Variants in ATG7 observed in about 807,000 individuals in gnomAD.
The protein encoded by ATG7 is autophagy related 7.
Under a neutral mutation model 82.4 loss-of-function variants are expected in ATG7, and 70 were observed. The observed-to-expected ratio is 0.85, with a 90% CI of 0.70 to 1.04. The LOEUF (loss-of-function observed/expected upper bound fraction) is 1.04. Ranked by LOEUF, ATG7 falls within the 50% of genes least tolerant of loss-of-function variation. The probability of loss-of-function intolerance (pLI) is 0.00; values close to 1 mark genes in which losing one functional copy is unlikely to be tolerated. For synonymous variants in ATG7, 287 were observed against 313.0 expected, an observed-to-expected ratio of 0.92 and a Z score of 0.88; for missense variants, 792 against 864.3, an observed-to-expected ratio of 0.92 and a Z score of 1.05.
chr3:11,424,805 C>T (rs1020833294), intron 19 of ATG7, among the ~76,000 whole-genome samples: 1 of 152,084 alleles, frequency 6.6e-6, no homozygotes, highest in African/African-American at 2.4e-5. Context: ...CAAGTATGTA[C>T]ATCCATGCAT....
the ATG7 span, among the ~76,000 whole-genome samples, chr3:11,567,171 T>C: frequency 8.5e-5 from 13 of 152,112 alleles, no homozygotes; most frequent in Non-Finnish European, 1.8e-4. Context: ...CCCGAGGCGT[T>C]CCGAGCCTCG....
downstream of ATG7, chr3:11,559,402 G>C: frequency 1.9e-6 from 3 of 1,562,690 alleles, no homozygotes; most frequent in Non-Finnish European, 2.6e-6. Context: ...GGCAGTGCGA[G>C]AGGTTGCAGT....
chr3:11,339,534 G>A (rs1953169063), intron 11 of ATG7, among the ~76,000 whole-genome samples: 2 of 152,098 alleles, frequency 1.3e-5, no homozygotes, highest in African/African-American at 4.8e-5. Context: ...GAAAGGGGGA[G>A]TAGCAGAGGT....
intron 3 of ATG7, among the ~76,000 whole-genome samples, chr3:11,284,279 G>A (rs981786975): frequency 3.3e-5 from 5 of 152,100 alleles, no homozygotes; most frequent in Admixed American, 1.3e-4. Flanking sequence ...GAGGGAGAAT[G>A]GTTGGGCGGT....
intron 20 of ATG7, among the ~76,000 whole-genome samples, chr3:11,548,059 G>T (rs904220090): frequency 1.3e-5 from 2 of 152,116 alleles, no homozygotes; most frequent in East Asian, 3.9e-4. Context: ...TTCCAGGCTG[G>T]TCTTGAACTC....
intron 7 of ATG7, among the ~76,000 whole-genome samples, chr3:11,311,831 G>C (rs1948723005): frequency 6.6e-6 from 1 of 151,592 alleles, no homozygotes; most frequent in Non-Finnish European, 1.5e-5. Context: ...TTTCTTAGTT[G>C]ATCAATGAAT....
At chr3:11,571,640 C>G in the ATG7 span, among the ~76,000 whole-genome samples, 1 of 152,220 alleles carries the variant, frequency 6.6e-6, no homozygotes, top group Non-Finnish European at 1.5e-5. Flanking sequence ...GCACTCCAGC[C>G]TGGGCAACAG....
At chr3:11,329,836 G>A (rs920474496) in intron 9 of ATG7, among the ~76,000 whole-genome samples, 5 of 152,142 alleles carry the variant, frequency 3.3e-5, no homozygotes, top group East Asian at 3.9e-4. Context: ...AGACATTTCC[G>A]ATTTCACCAG....
chr3:11,477,147 T>C (rs1168632800), intron 20 of ATG7: 1 of 1,289,850 alleles, frequency 7.8e-7, no homozygotes, highest in Admixed American at 2.3e-5. Context: ...CTTTGAGATC[T>C]TCGGCTCTGG....
intron 20 of ATG7, among the ~76,000 whole-genome samples, chr3:11,497,759 A>G (rs1575054262): frequency 6.6e-6 from 1 of 151,978 alleles, no homozygotes; most frequent in African/African-American, 2.4e-5. Context: ...TTAGTTTCCC[A>G]TGTCTCTGCC....
At chr3:11,472,992 T>G (rs1333674300) in intron 20 of ATG7, among the ~76,000 whole-genome samples, 1 of 152,188 alleles carries the variant, frequency 6.6e-6, no homozygotes, top group Admixed American at 6.5e-5. Context: ...ATACTTTCCT[T>G]TCACTTTTTT....
At chr3:11,281,570 C>T (rs1025894078) in intron 2 of ATG7, among the ~76,000 whole-genome samples, 6 of 151,876 alleles carry the variant, frequency 4.0e-5, no homozygotes, top group Non-Finnish European at 7.4e-5. Flanking sequence ...GTCAGGAGTT[C>T]GAAACCAGCC....
At chr3:11,310,309 GT>G (rs750972828) in intron 7 of ATG7, among the ~76,000 whole-genome samples, 1 of 152,152 alleles carries the variant, frequency 6.6e-6, no homozygotes, top group Non-Finnish European at 1.5e-5. Flanking sequence ...TAAGTGTGCT[GT>G]TTCACCACAG....
intron 20 of ATG7, among the ~76,000 whole-genome samples, chr3:11,468,054 A>C (rs1486228086): frequency 6.6e-6 from 1 of 152,170 alleles, no homozygotes; most frequent in Non-Finnish European, 1.5e-5. Flanking sequence ...TCAGCCTTTG[A>C]TGGCACAGTT....
At chr3:11,471,403 A>C (rs550284946) in intron 20 of ATG7, among the ~76,000 whole-genome samples, 1 of 152,302 alleles carries the variant, frequency 6.6e-6, no homozygotes, top group African/African-American at 2.4e-5. Context: ...GAGCTCCTTG[A>C]GAAAAAATAT....
intron 9 of ATG7, among the ~76,000 whole-genome samples, chr3:11,326,102 T>A (rs1484897761): frequency 6.6e-6 from 1 of 152,214 alleles, no homozygotes; most frequent in East Asian, 1.9e-4. Flanking sequence ...AGAAAGGAAC[T>A]TCCCCCAATG....
chr3:11,291,136 A>G (rs552986462), intron 3 of ATG7, among the ~76,000 whole-genome samples: 61 of 152,332 alleles, frequency 4.0e-4, no homozygotes, highest in African/African-American at 1.3e-3. Context: ...TATGATGAAA[A>G]CAAGTTACAT....
chr3:11,359,612 C>T (rs1454170409), intron 15 of ATG7, among the ~76,000 whole-genome samples: 1 of 152,050 alleles, frequency 6.6e-6, no homozygotes, highest in African/African-American at 2.4e-5. Context: ...AGGAAGATCA[C>T]TTGAGCCTGG....
intron 14 of ATG7, 199 bp downstream of exon 14, chr3:11,348,234 C>T (rs1954874349): frequency 6.2e-6 from 4 of 650,224 alleles, no homozygotes; most frequent in Non-Finnish European, 9.9e-6. Flanking sequence ...GTGGCTCATA[C>T]CTGCAATCCC....
Sources: gnomAD v4.1 joint callset for allele counts (sites outside exome capture counted in the v4.1 genomes callset) on GRCh38, gnomAD v4.1.1 for gene constraint, MANE v1.5 for transcripts, NCBI Gene and HGNC (gene_info 2026-07-23, HGNC 2026-07-21) for gene names.